The following AGBL4 variants were observed in gnomAD, a reference collection of about 807,000 sequenced individuals.
The protein encoded by AGBL4 is AGBL carboxypeptidase 4.
Under a neutral mutation model 66.4 loss-of-function variants are expected in AGBL4, and 58 were observed. The observed-to-expected ratio is 0.87, with a 90% CI of 0.71 to 1.09. The LOEUF (loss-of-function observed/expected upper bound fraction) is 1.09. Ranked by LOEUF, AGBL4 falls within the 50% of genes least tolerant of loss-of-function variation. The pLI, the probability that AGBL4 is intolerant of heterozygous loss-of-function variation, is 0.00. For missense variants in AGBL4, 579 were observed against 631.0 expected (o/e 0.92, Z 0.88); for synonymous variants, 234 against 222.9 (o/e 1.05, Z -0.44).
chr1:48,697,562 T>C (rs1337921112), intron 6 of AGBL4, among the ~76,000 whole-genome samples: 1 of 152,204 alleles, frequency 6.6e-6, no homozygotes, highest in African/African-American at 2.4e-5. Flanking sequence ...TCTGGTCCAG[T>C]GATTTTTCCA....
intron 5 of AGBL4, among the ~76,000 whole-genome samples, chr1:49,030,446 C>G (rs1442719183): frequency 6.6e-6 from 1 of 152,136 alleles, no homozygotes; most frequent in Non-Finnish European, 1.5e-5. Context: ...CCAGGGGTCC[C>G]CAACCAGGAT....
At chr1:49,441,177 A>G (rs1473297378) in intron 3 of AGBL4, among the ~76,000 whole-genome samples, 1 of 152,220 alleles carries the variant, frequency 6.6e-6, no homozygotes, top group Admixed American at 6.5e-5. Flanking sequence ...AGTGTGACCC[A>G]TAAAGAGTTG....
intron 6 of AGBL4, among the ~76,000 whole-genome samples, chr1:48,760,871 T>C (rs982781184): frequency 6.6e-6 from 1 of 152,186 alleles, no homozygotes; most frequent in Admixed American, 6.5e-5. Flanking sequence ...TGCAACCTCA[T>C]GCAAATGTTT....
intron 4 of AGBL4, among the ~76,000 whole-genome samples, chr1:49,061,939 G>A (rs564368292): frequency 5.3e-5 from 8 of 152,114 alleles, no homozygotes; most frequent in African/African-American, 1.2e-4. Flanking sequence ...CTGGGGCCAC[G>A]GACAGGCCAC....
chr1:49,703,199 CAA>C (rs1056242415), intron 2 of AGBL4, among the ~76,000 whole-genome samples: 2 of 132,786 alleles, frequency 1.5e-5, no homozygotes, highest in Non-Finnish European at 3.3e-5. Context: ...ATCCACATAC[CAA>C]AAAAAAAAAA....
intron 11 of AGBL4, among the ~76,000 whole-genome samples, chr1:48,568,134 A>G (rs2148310540): frequency 6.6e-6 from 1 of 152,218 alleles, no homozygotes; most frequent in Non-Finnish European, 1.5e-5. Context: ...TTCTTTTTGG[A>G]TCAAGCATCC....
At chr1:49,420,931 A>G (rs1645533000) in intron 3 of AGBL4, among the ~76,000 whole-genome samples, 4 of 152,164 alleles carry the variant, frequency 2.6e-5, no homozygotes, top group Non-Finnish European at 5.9e-5. Flanking sequence ...AAAGAACATA[A>G]GACATCATGT....
chr1:49,599,526 G>A (rs1053661699), intron 3 of AGBL4, among the ~76,000 whole-genome samples: 2 of 151,830 alleles, frequency 1.3e-5, no homozygotes, highest in African/African-American at 4.8e-5. Flanking sequence ...TTAGTATGGT[G>A]AGCAGTCTAT....
intron 2 of AGBL4, among the ~76,000 whole-genome samples, chr1:49,814,514 T>C (rs1442360676): frequency 1.3e-5 from 2 of 152,074 alleles, no homozygotes; most frequent in African/African-American, 4.8e-5. Flanking sequence ...TATATAAATA[T>C]TTGAGTAATA....
chr1:49,622,639 A>T (rs1323019959), intron 3 of AGBL4, among the ~76,000 whole-genome samples: 1 of 150,384 alleles, frequency 6.6e-6, no homozygotes, highest in African/African-American at 2.4e-5. Context: ...AAAAAAAAAA[A>T]AAAAAAAAAA....
intron 6 of AGBL4, among the ~76,000 whole-genome samples, chr1:48,684,235 C>G (rs918973915): frequency 9.9e-5 from 15 of 152,242 alleles, no homozygotes; most frequent in African/African-American, 3.6e-4. Context: ...AACGGATTGG[C>G]TCCTTCTCTT....
chr1:48,822,009 G>T (rs965251028), intron 6 of AGBL4, among the ~76,000 whole-genome samples: 2 of 152,056 alleles, frequency 1.3e-5, no homozygotes, highest in Admixed American at 6.6e-5. Flanking sequence ...AAAGCCATAA[G>T]GAAATACTAC....
chr1:49,837,172 A>C (rs867376273), intron 2 of AGBL4, among the ~76,000 whole-genome samples: 8 of 152,312 alleles, frequency 5.3e-5, no homozygotes, highest in Middle Eastern at 3.4e-3. Context: ...CCTTCCCCCC[A>C]GGTGCTCTGT....
chr1:48,736,104 G>T lies in AGBL4; in HGVS notation c.635-72863C>A. On this transcript the variant is annotated intron_variant, in intron 6 of 13. Coordinates refer to ENST00000371839, the MANE Select transcript of AGBL4 (RefSeq NM_032785.4). The surrounding 1 kb of genome is among the most constrained non-coding windows in gnomAD (Gnocchi z 4.0). ...TCTGGGGCATTTGGGTTATCCGCTTGGTGTCCCCGGGCTCAGCCCAGGGTC... is the reference window on the plus strand; with the variant it reads ...TCTGGGGCATTTGGGTTATCCGCTTTGTGTCCCCGGGCTCAGCCCAGGGTC... 1 of 938,542 alleles carries T rather than the reference G, an allele frequency of 1.1e-6. No homozygotes were observed. The highest frequency in any genetic ancestry group is 1.6e-6 in the Non-Finnish European group (1 of 608,352). The allele number at this position is 938,542 out of a possible 1,614,324, so 58.1% of individuals were successfully genotyped here.
intron 4 of AGBL4, among the ~76,000 whole-genome samples, chr1:49,147,068 G>C (rs960072781): frequency 1.3e-5 from 2 of 152,172 alleles, no homozygotes; most frequent in African/African-American, 4.8e-5. Flanking sequence ...GACACAGGAG[G>C]TGGAGCAGGA....
At position 48,601,040 on chromosome 1, in the gene AGBL4, C is replaced by T. The variant is rs138943760; in HGVS notation, c.952-10055G>A. Among the ~76,000 whole-genome samples, 7 of 152,216 alleles carry T rather than the reference C, an allele frequency of 4.6e-5. No homozygotes were observed. The East Asian group carries it at 1.2e-3, about 25-fold the overall frequency. ...AGGTTTGGGTTTATAATAGACCTTC[C>T]CAGGGCAAATGATGAACTCCTGACC... On this transcript the variant is annotated intron_variant, in intron 9 of 13. Transcript: ENST00000371839.
intron 3 of AGBL4, among the ~76,000 whole-genome samples, chr1:49,264,851 A>G (rs1653571002): frequency 6.6e-6 from 1 of 152,150 alleles, no homozygotes; most frequent in South Asian, 2.1e-4. Flanking sequence ...GGCCCTCCCA[A>G]TAATTTTGAT....
chr1:48,625,382 A>AT (rs1361178450), intron 9 of AGBL4, among the ~76,000 whole-genome samples: 1 of 152,038 alleles, frequency 6.6e-6, no homozygotes, highest in African/African-American at 2.4e-5. Flanking sequence ...CCTAACACAC[A>AT]TTCATTGAGG....
chr1:49,697,398 T>C lies in AGBL4; in HGVS notation c.197A>G (p.Tyr66Cys), dbSNP rs753803901. ...GGTGTCCGGCCTAATGAACAGATCATACTCAAACTCAGAGACCTGGTCCAC... is the reference window on the plus strand; with the variant it reads ...GGTGTCCGGCCTAATGAACAGATCACACTCAAACTCAGAGACCTGGTCCAC... ...GRVDQVSEFE[Y>C]DLFIRPDTCN... The change falls in exon 3 of 14, where the codon TAT becomes TGT. Residue 66 changes from tyrosine to cysteine, a missense_variant. Physicochemically the swap from Tyr to Cys is radical, Grantham distance 194. Coordinates refer to ENST00000371839, the MANE Select transcript of AGBL4 (RefSeq NM_032785.4). The C allele has an allele frequency of 3.9e-6, 6 of 1,538,800 alleles. No individual in the cohort carries two copies. Among genetic ancestry groups the C allele is most frequent in the African/African-American group, 1.4e-5 (1 of 72,902 alleles).
Sources: gnomAD v4.1 joint callset for allele counts (sites outside exome capture counted in the v4.1 genomes callset) on GRCh38, gnomAD v4.1.1 for gene constraint, Gnocchi (gnomAD v3.1) non-coding constraint, MANE v1.5 for transcripts, NCBI Gene and HGNC (gene_info 2026-07-23, HGNC 2026-07-21) for gene names.